ZNF710: variants seen among roughly 807,000 people sequenced by gnomAD.
ZNF710 encodes zinc finger protein 710.
In ZNF710, 13 loss-of-function variants were observed where a neutral mutation model predicts 50.6. That is an observed-to-expected ratio of 0.26 (90% CI 0.17 to 0.41). The LOEUF (loss-of-function observed/expected upper bound fraction) is 0.41. Ranked by LOEUF, ZNF710 falls within the 10% of genes least tolerant of loss-of-function variation. ZNF710 has a pLI of 1.00. For missense variants in ZNF710, 721 were observed against 936.6 expected (o/e 0.77, Z 3.01); for synonymous variants, 383 against 397.0 (o/e 0.96, Z 0.42).
intron 1 of ZNF710, among the ~76,000 whole-genome samples, chr15:90,029,516 T>C (rs1008727954): frequency 6.6e-6 from 1 of 152,108 alleles, no homozygotes; most frequent in African/African-American, 2.4e-5. Flanking sequence ...CATGTAATCC[T>C]AGCACTTTGG....
chr15:90,031,700 G>GGCCA (rs1301574733), intron 1 of ZNF710, among the ~76,000 whole-genome samples: 1 of 152,136 alleles, frequency 6.6e-6, no homozygotes, highest in Non-Finnish European at 1.5e-5. Flanking sequence ...CATCTTCAGT[G>GGCCA]GCCACGTCAT....
chr15:90,054,651 G>A (rs1399284910), intron 1 of ZNF710, among the ~76,000 whole-genome samples: 1 of 152,250 alleles, frequency 6.6e-6, no homozygotes, highest in Admixed American at 6.5e-5. Flanking sequence ...TTCAAGCGCA[G>A]TGAATGGTCC....
At chr15:90,071,071 G>A (rs1054908304) in intron 2 of ZNF710, among the ~76,000 whole-genome samples, 2 of 152,240 alleles carry the variant, frequency 1.3e-5, no homozygotes, top group East Asian at 3.9e-4. Flanking sequence ...GGCCAACCTG[G>A]CCAACATGGT....
At chr15:90,002,524 G>T (rs2151453291) in intron 1 of ZNF710, 1 of 152,388 alleles carries the variant, frequency 6.6e-6, no homozygotes, top group East Asian at 1.9e-4. Flanking sequence ...GTGAGCACCA[G>T]CGTCAGATCG....
intron 1 of ZNF710, among the ~76,000 whole-genome samples, chr15:90,045,790 G>T (rs1229969882): frequency 6.6e-6 from 1 of 152,142 alleles, no homozygotes; most frequent in Non-Finnish European, 1.5e-5. Context: ...ACATTGCCAG[G>T]GTTGCAGCGG....
chr15:90,006,146 A>G (rs1339073030), intron 1 of ZNF710, among the ~76,000 whole-genome samples: 1 of 152,110 alleles, frequency 6.6e-6, no homozygotes, highest in Non-Finnish European at 1.5e-5. Flanking sequence ...AGTGAGGCCT[A>G]TAAGGGAATG....
intron 3 of ZNF710, 81 bp downstream of exon 3, chr15:90,073,343 C>G: frequency 5.9e-6 from 9 of 1,515,734 alleles, no homozygotes; most frequent in Non-Finnish European, 8.1e-6. Flanking sequence ...CTGTGGCCCA[C>G]CAAGCGCCAG....
At chr15:90,071,585 C>T (rs1388937181) in intron 2 of ZNF710, among the ~76,000 whole-genome samples, 1 of 151,912 alleles carries the variant, frequency 6.6e-6, no homozygotes, top group African/African-American at 2.4e-5. Context: ...ACCACAGACA[C>T]ATGTCCCACT....
chr15:90,030,048 G>T (rs936921413), intron 1 of ZNF710, among the ~76,000 whole-genome samples: 1 of 151,696 alleles, frequency 6.6e-6, no homozygotes, highest in Non-Finnish European at 1.5e-5. Context: ...ATTAGCTATC[G>T]GCCGGGCACA....
chr15:90,067,669 C>T lies in ZNF710; in HGVS notation c.532C>T (p.Pro178Ser), dbSNP rs772831888. The T allele has an allele frequency of 3.3e-5, 53 of 1,613,006 alleles. No individual in the cohort carries two copies. The African/African-American group carries it at 5.6e-4, about 17-fold the overall frequency. ...PRTLRHLPRTPRPELNVAPYD... is the reference protein window; with the variant it reads ...PRTLRHLPRTSRPELNVAPYD... ...GACGCTCCGGCATCTGCCCCGAACC[C>T]CGAGGCCGGAGCTGAACGTGGCCCC... is the stretch of plus-strand genomic sequence containing the variant. The change falls in exon 2 of 5, where the codon CCG becomes TCG. Residue 178 changes from proline to serine, a missense_variant. Pro to Ser is a moderately conservative substitution (Grantham distance 74). This residue lies in a region of ZNF710 where 326 missense variants were observed against 347.1 expected (regional missense o/e 0.94). Coordinates refer to ENST00000268154, the MANE Select transcript of ZNF710 (RefSeq NM_198526.4). The surrounding 1 kb of genome is among the most constrained non-coding windows in gnomAD (Gnocchi z 8.1).
upstream of ZNF710, among the ~76,000 whole-genome samples, chr15:90,000,207 G>A (rs1007643635): frequency 6.6e-6 from 1 of 152,260 alleles, no homozygotes; most frequent in African/African-American, 2.4e-5. Context: ...AGCAGGTCTT[G>A]GGAGCACGCC....
At chr15:90,015,551 A>G (rs1179445168) in intron 1 of ZNF710, among the ~76,000 whole-genome samples, 2 of 152,240 alleles carry the variant, frequency 1.3e-5, no homozygotes, top group African/African-American at 4.8e-5. Flanking sequence ...GTCCGTCACT[A>G]GAGAACTGGT....
At chr15:90,066,738 A>G (rs1331519323) in intron 1 of ZNF710, among the ~76,000 whole-genome samples, 5 of 152,118 alleles carry the variant, frequency 3.3e-5, no homozygotes, top group Non-Finnish European at 7.4e-5. Flanking sequence ...TTGGCTTCCC[A>G]AAGTGCTGGG....
At position 90,067,612 on chromosome 15, in the gene ZNF710, A is replaced by C; in HGVS notation, c.475A>C (p.Ile159Leu). The C allele has an allele frequency of 6.2e-7, 1 of 1,611,638 alleles. No homozygotes were observed. Among genetic ancestry groups the C allele is most frequent in the Non-Finnish European group, 8.5e-7 (1 of 1,179,130 alleles). ...ALVQSSAVKM[I>L]DLSAFSRKPR... is the part of the protein sequence containing the mutation. ...GGTGCAGAGCAGCGCCGTCAAGATGATCGACCTCAGCGCCTTCAGCCGCAA... is the reference window on the plus strand; with the variant it reads ...GGTGCAGAGCAGCGCCGTCAAGATGCTCGACCTCAGCGCCTTCAGCCGCAA... Residue 159 changes from isoleucine (I) to leucine (L), a missense_variant, in exon 2 of 5, where the codon ATC (isoleucine) becomes CTC (leucine). This residue lies in a region of ZNF710 where 326 missense variants were observed against 347.1 expected (regional missense o/e 0.94). Coordinates refer to ENST00000268154, the MANE Select transcript of ZNF710 (RefSeq NM_198526.4). This position sits in a 1 kb window ranked among gnomAD's most constrained non-coding sequence, Gnocchi z 8.1.
chr15:90,067,692 C>T lies in ZNF710; in HGVS notation c.555C>T (p.Ala185=). 1 of 1,611,436 alleles carries T rather than the reference C, an allele frequency of 6.2e-7. No individual in the cohort carries two copies. The highest frequency in any genetic ancestry group is 8.5e-7 in the Non-Finnish European group (1 of 1,178,844). The part of the protein sequence containing the change: ...PRTPRPELNV[A]PYDPHFPAPA... The stretch of plus-strand genomic sequence containing the variant: ...CCCCGAGGCCGGAGCTGAACGTGGC[C>T]CCATATGACCCTCACTTCCCGGCCC... Residue 185 remains alanine, a synonymous_variant, in exon 2 of 5, where the codon GCC becomes GCT. Coordinates refer to ENST00000268154, the MANE Select transcript of ZNF710 (RefSeq NM_198526.4). This position sits in a 1 kb window ranked among gnomAD's most constrained non-coding sequence, Gnocchi z 8.1.
At chr15:90,000,004 T>C (rs539737140), upstream of ZNF710, among the ~76,000 whole-genome samples, 36 of 151,992 alleles carry the variant, frequency 2.4e-4, no homozygotes, top group South Asian at 1.5e-3. Flanking sequence ...CAGCTTCCCT[T>C]GCATTGTTCC....
chr15:90,049,079 T>C (rs1476712746), intron 1 of ZNF710, among the ~76,000 whole-genome samples: 1 of 152,226 alleles, frequency 6.6e-6, no homozygotes, highest in Non-Finnish European at 1.5e-5. Flanking sequence ...TTAGGGGCCC[T>C]GGGTGACTCA....
intron 1 of ZNF710, among the ~76,000 whole-genome samples, chr15:90,008,410 G>A (rs996515779): frequency 4.5e-5 from 5 of 111,638 alleles, no homozygotes; most frequent in African/African-American, 8.7e-5. Context: ...TATAGTATAC[G>A]TGTGTGTGTG....
At chr15:90,045,216 G>A (rs1489288334) in intron 1 of ZNF710, 11 of 386,662 alleles carry the variant, frequency 2.8e-5, no homozygotes, top group African/African-American at 2.4e-4. Flanking sequence ...TAGCTCCTAG[G>A]AGAATGGTGT....
Sources: gnomAD v4.1 joint callset for allele counts (sites outside exome capture counted in the v4.1 genomes callset) on GRCh38, gnomAD v4.1.1 for gene constraint, gnomAD v4.1.1 regional missense constraint, Gnocchi (gnomAD v3.1) non-coding constraint, MANE v1.5 for transcripts, NCBI Gene and HGNC (gene_info 2026-07-23, HGNC 2026-07-21) for gene names.